ADAMTS2: variants seen among roughly 807,000 people sequenced by gnomAD.
ADAMTS2 encodes ADAM metallopeptidase with thrombospondin type 1 motif 2.
ADAMTS2 carries 50 observed loss-of-function variants against 123.0 expected under a neutral mutation model. The ratio of observed to expected loss-of-function variants is 0.41; its 90% CI spans 0.32 to 0.51. ADAMTS2 has a LOEUF of 0.51. ADAMTS2 is among the 20% of genes least tolerant of loss of function. The pLI, the probability that ADAMTS2 is intolerant of heterozygous loss-of-function variation, is 0.35. For missense variants in ADAMTS2, 1,494 were observed against 1,705.2 expected, an observed-to-expected ratio of 0.88 and a Z score of 2.18; for synonymous variants, 678 against 695.4, an observed-to-expected ratio of 0.98 and a Z score of 0.39.
In ADAMTS2 at chr5:179,277,319, A is replaced by ACCCCC. The variant is rs139978660; in HGVS notation, c.535-4256_535-4255insGGGGG. On this transcript the variant is annotated intron_variant, in intron 2 of 21. Transcript: ENST00000251582. The stretch of plus-strand genomic sequence containing the variant: ...GCACCTGCCCCGAGACCAAAGGCTG[A>ACCCCC]CACCCCGAGACCAAAGGCTGACCCC... Among the ~76,000 whole-genome samples the ACCCCC allele has an allele frequency of 3.2e-5, 2 of 62,662 alleles. 1 individual carries two copies. The highest frequency in any genetic ancestry group is 2.4e-4 in the African/African-American group (2 of 8,350). The allele number at this position is 62,662 out of a possible 152,430, so 41.1% of individuals were successfully genotyped here. A position where few individuals can be genotyped will look rare whatever the true frequency, so the allele number is the denominator to read the frequency against.
At chr5:179,245,789 AAAAAAACAAAAAAAAC>A (rs1561628619) in intron 3 of ADAMTS2, among the ~76,000 whole-genome samples, 3 of 132,280 alleles carry the variant, frequency 2.3e-5, no homozygotes, top group African/African-American at 8.5e-5. Context: ...AAAAAAAAAA[AAAAAAACAAAAAAAAC>A]AAAGATGGGG....
rs554300244 is a variant in ADAMTS2 at position 179,298,379 on chromosome 5, A to G, written c.535-25315T>C. Among the ~76,000 whole-genome samples, 222 of 152,210 alleles carry G rather than the reference A, an allele frequency of 1.5e-3. 3 individuals carry two copies. The highest frequency in any genetic ancestry group is 5.1e-4 in the Non-Finnish European group (35 of 68,016). Reference sequence around the variant, plus strand: ...CCCCGTTAATGGGATTAGTGCCCTTATCAGAGAGGCCCAGGGAGCTTGTGC... The same window carrying G: ...CCCCGTTAATGGGATTAGTGCCCTTGTCAGAGAGGCCCAGGGAGCTTGTGC... On this transcript the variant is annotated intron_variant, in intron 2 of 21. Transcript: ENST00000251582.
intron 4 of ADAMTS2, among the ~76,000 whole-genome samples, chr5:179,205,757 G>GTTATTA (rs148528271): frequency 0.048 from 5,595 of 115,840 alleles, 358 homozygotes; most frequent in African/African-American, 0.14. Context: ...TGGTTTTATT[G>GTTATTA]TTATTATTAT....
At chr5:179,223,527 C>CATGCACTCCCACACGA (rs1765190697) in intron 3 of ADAMTS2, among the ~76,000 whole-genome samples, 1 of 146,962 alleles carries the variant, frequency 6.8e-6, no homozygotes, top group Non-Finnish European at 1.5e-5. Flanking sequence ...CACTCACACA[C>CATGCACTCCCACACGA]ATGCACTCAC....
Position 179,154,063 on chromosome 5 carries a change from C to T in ADAMTS2, c.1368G>A (p.Leu456=), listed in dbSNP as rs1763418708. ...GCAGTACTCACTGCAGGTAGCGGCT[C>T]AGCTCCTGCTGGCTGCAGCGGGACC... ...FHWSRCSQQE[L]SRYLHSYDCL... The change falls in exon 8 of 22, where the codon CTG becomes CTA. Residue 456 remains leucine (L), a synonymous_variant. Transcript: ENST00000251582. The T allele has an allele frequency of 5.0e-6, 8 of 1,603,750 alleles. No homozygotes were observed. The highest frequency in any genetic ancestry group is 5.1e-6 in the Non-Finnish European group (6 of 1,177,780).
chr5:179,316,897 C>T (rs1036375362), intron 2 of ADAMTS2, among the ~76,000 whole-genome samples: 1 of 152,106 alleles, frequency 6.6e-6, no homozygotes, highest in Non-Finnish European at 1.5e-5. Context: ...GCTACGATTG[C>T]ACCACTGCCT....
At chr5:179,243,790 T>C (rs975534915) in intron 3 of ADAMTS2, among the ~76,000 whole-genome samples, 1 of 152,164 alleles carries the variant, frequency 6.6e-6, no homozygotes, top group Non-Finnish European at 1.5e-5. Context: ...ACCATGCTTA[T>C]GTAAAGGAGT....
Position 179,197,128 on chromosome 5 carries a change from G to A in ADAMTS2, c.891+10385C>T, listed in dbSNP as rs773729460. 6.6e-6 allele frequency among the ~76,000 whole-genome samples: 1 copy of A among 152,248 alleles called. No homozygotes were observed. Among genetic ancestry groups the A allele is most frequent in the Non-Finnish European group, 1.5e-5 (1 of 68,048 alleles). Reference sequence around the variant, plus strand: ...TACATCTGTCTGGTGGCCTCTGGCAGGCCTGAGAGTACGTGTTCCTGGTAG... The same window carrying A: ...TACATCTGTCTGGTGGCCTCTGGCAAGCCTGAGAGTACGTGTTCCTGGTAG... On this transcript the variant is annotated intron_variant, in intron 4 of 21. Transcript: ENST00000251582. This position sits in a 1 kb window ranked among gnomAD's most constrained non-coding sequence, Gnocchi z 4.2.
At chr5:179,208,661 G>A (rs1209437496) in intron 3 of ADAMTS2, among the ~76,000 whole-genome samples, 1 of 152,204 alleles carries the variant, frequency 6.6e-6, no homozygotes. Context: ...CTGCCCGTCT[G>A]AAGGCCACAG....
chr5:179,276,088 C>T (rs1766687239), intron 2 of ADAMTS2, among the ~76,000 whole-genome samples: 1 of 152,120 alleles, frequency 6.6e-6, no homozygotes. Flanking sequence ...CCCCACGCTT[C>T]TGACTCATCC....
rs1756862960 is a variant in ADAMTS2 at position 179,312,573 on chromosome 5, C to T, written c.534+31194G>A. Among the ~76,000 whole-genome samples the T allele has an allele frequency of 6.6e-6, 1 of 152,178 alleles. No individual in the cohort carries two copies. The highest frequency in any genetic ancestry group is 2.4e-5 in the African/African-American group (1 of 41,444). On this transcript the variant is annotated intron_variant, in intron 2 of 21. Coordinates refer to ENST00000251582, the MANE Select transcript of ADAMTS2 (RefSeq NM_014244.5). The surrounding 1 kb of genome is among the most constrained non-coding windows in gnomAD (Gnocchi z 4.2). ...TATGGTATTTGGCTATAGCAGCCTGCATGGACTAAGACAGGCCCTAAATGC... is the reference window on the plus strand; with the variant it reads ...TATGGTATTTGGCTATAGCAGCCTGTATGGACTAAGACAGGCCCTAAATGC...
At position 179,272,736 on chromosome 5, in the gene ADAMTS2, G is replaced by C. The variant is rs1739492281; in HGVS notation, c.688+175C>G. Among the ~76,000 whole-genome samples the C allele has an allele frequency of 6.6e-6, 1 of 152,188 alleles. No individual in the cohort carries two copies. The highest frequency in any genetic ancestry group is 2.4e-5 in the African/African-American group (1 of 41,450). ...CAGAGGCCCCAGCCCCAGCAGCCCT[G>C]CTACGCCCTGCCGTCAGCCAGGCAG... On this transcript the variant is annotated intron_variant, in intron 3 of 21. Coordinates refer to ENST00000251582, the MANE Select transcript of ADAMTS2 (RefSeq NM_014244.5). This position sits in a 1 kb window ranked among gnomAD's most constrained non-coding sequence, Gnocchi z 5.8.
At chr5:179,206,197 G>T (rs1764689059) in intron 4 of ADAMTS2, among the ~76,000 whole-genome samples, 1 of 152,216 alleles carries the variant, frequency 6.6e-6, no homozygotes, top group African/African-American at 2.4e-5. Flanking sequence ...GCTCCAGAGG[G>T]CTAGCTGACT....
chr5:179,255,988 C>T (rs1465419470), intron 3 of ADAMTS2, among the ~76,000 whole-genome samples: 1 of 152,190 alleles, frequency 6.6e-6, no homozygotes, highest in Admixed American at 6.5e-5. Flanking sequence ...GGTCTGCCTA[C>T]ACCCCCAACA....
At chr5:179,177,254 A>C (rs1763953862) in intron 5 of ADAMTS2, among the ~76,000 whole-genome samples, 1 of 152,240 alleles carries the variant, frequency 6.6e-6, no homozygotes, top group Non-Finnish European at 1.5e-5. Flanking sequence ...CCACATTCCT[A>C]GGATAAGCCC....
chr5:179,246,562 T>A (rs189600868), intron 3 of ADAMTS2, among the ~76,000 whole-genome samples: 1 of 152,232 alleles, frequency 6.6e-6, no homozygotes, highest in Non-Finnish European at 1.5e-5. Flanking sequence ...ACCACTGACA[T>A]GTCTAGGGTG....
rs2127463980 is a variant in ADAMTS2 at position 179,345,395 on chromosome 5, G to A, written c.-67C>T. 1.8e-6 allele frequency: 2 copies of A among 1,087,044 alleles called. No homozygotes were observed. The highest frequency in any genetic ancestry group is 3.4e-5 in the African/African-American group (2 of 59,444). The allele number at this position is 1,087,044 out of a possible 1,614,324, so 67.3% of individuals were successfully genotyped here. On this transcript the variant is annotated 5_prime_UTR_variant, in exon 1 of 22. Transcript: ENST00000251582. This position sits in a 1 kb window ranked among gnomAD's most constrained non-coding sequence, Gnocchi z 7.5. Reference sequence around the variant, plus strand: ...GCGAAAGTTCCCCGCGAGCCGCCCAGCCCACATCTGGGGGCAGCTGGAGCC... The same window carrying A: ...GCGAAAGTTCCCCGCGAGCCGCCCAACCCACATCTGGGGGCAGCTGGAGCC...
At chr5:179,273,553 T>G (rs1766605344) in intron 2 of ADAMTS2, among the ~76,000 whole-genome samples, 1 of 152,134 alleles carries the variant, frequency 6.6e-6, no homozygotes, top group Non-Finnish European at 1.5e-5. Context: ...CAAACAATAT[T>G]TTTAAAGCTC....
chr5:179,285,622 G>A lies in ADAMTS2; in HGVS notation c.535-12558C>T, dbSNP rs962533506. On this transcript the variant is annotated intron_variant, in intron 2 of 21. Coordinates refer to ENST00000251582, the MANE Select transcript of ADAMTS2 (RefSeq NM_014244.5). This position sits in a 1 kb window ranked among gnomAD's most constrained non-coding sequence, Gnocchi z 4.9. The stretch of plus-strand genomic sequence containing the variant: ...TGCAACAGGCCTGCCTATTTGTGAC[G>A]AGAACTGACACTCGTCCCGGCCAGA... Among the ~76,000 whole-genome samples, 7 of 152,310 alleles carry A rather than the reference G, an allele frequency of 4.6e-5. No individual in the cohort carries two copies. The East Asian group carries it at 5.8e-4, about 13-fold the overall frequency.
Sources: gnomAD v4.1 joint callset for allele counts (sites outside exome capture counted in the v4.1 genomes callset) on GRCh38, gnomAD v4.1.1 for gene constraint, Gnocchi (gnomAD v3.1) non-coding constraint, MANE v1.5 for transcripts, NCBI Gene and HGNC (gene_info 2026-07-23, HGNC 2026-07-21) for gene names.